The following CNTNAP2 variants were observed in gnomAD, a reference collection of about 807,000 sequenced individuals.
The protein encoded by CNTNAP2 is contactin-associated protein-like 2.
A neutral mutation model predicts 155.2 loss-of-function variants in CNTNAP2; 98 were observed. That is an observed-to-expected ratio of 0.63 (90% CI 0.54 to 0.75). CNTNAP2 has a LOEUF of 0.75. Ranked by LOEUF, CNTNAP2 falls within the 30% of genes least tolerant of loss-of-function variation. The pLI, the probability that CNTNAP2 is intolerant of heterozygous loss-of-function variation, is 0.00. For missense variants in CNTNAP2, 1,727 were observed against 1,688.1 expected (o/e 1.02, Z -0.40); for synonymous variants, 651 against 631.2 (o/e 1.03, Z -0.47).
At chr7:148,309,589 G>T (rs149260636) in intron 21 of CNTNAP2, among the ~76,000 whole-genome samples, 9 of 152,142 alleles carry the variant, frequency 5.9e-5, no homozygotes, top group African/African-American at 9.6e-5. Context: ...TCAAAGGGGG[G>T]TTATTCGCTG....
rs191768158 is a variant in CNTNAP2 at position 146,850,555 on chromosome 7, T to G, written c.402+10651T>G. ...ACAACTAATATGTGAGGATATAGAT[T>G]ATTATTTTTATGATTAAGCCCTATT... On this transcript the variant is annotated intron_variant, in intron 3 of 23. Coordinates refer to ENST00000361727, the MANE Select transcript of CNTNAP2 (RefSeq NM_014141.6). Among the ~76,000 whole-genome samples, 295 of 152,262 alleles carry G rather than the reference T, an allele frequency of 1.9e-3. 2 individuals are homozygous for G. Among genetic ancestry groups the G allele is most frequent in the African/African-American group, 6.8e-3 (281 of 41,558 alleles).
chr7:147,348,088 G>A (rs144065426), intron 9 of CNTNAP2, among the ~76,000 whole-genome samples: 166 of 152,088 alleles, frequency 1.1e-3, no homozygotes, highest in African/African-American at 3.6e-3. Flanking sequence ...AAGACATAGC[G>A]GAAATGCTTC....
intron 3 of CNTNAP2, among the ~76,000 whole-genome samples, chr7:147,042,096 A>G (rs1563054867): frequency 6.6e-6 from 1 of 152,202 alleles, no homozygotes; most frequent in Non-Finnish European, 1.5e-5. Flanking sequence ...TGTCAACAAG[A>G]TGCAATGAGG....
rs557529027 is a variant in CNTNAP2, at chr7:147,939,652, C to T, written c.2255+35931C>T. 5.3e-4 allele frequency among the ~76,000 whole-genome samples: 81 copies of T among 152,196 alleles called. 3 individuals carry two copies. Among genetic ancestry groups the T allele is most frequent in the African/African-American group, 1.9e-3 (77 of 41,538 alleles). On this transcript the variant is annotated intron_variant, in intron 14 of 23. Coordinates refer to ENST00000361727, the MANE Select transcript of CNTNAP2 (RefSeq NM_014141.6). Reference sequence around the variant, plus strand: ...TCATGTAGAATTTTATGGTCACAAGCCTGTAGTTCTAGCAGGGAAACTCAA... The same window carrying T: ...TCATGTAGAATTTTATGGTCACAAGTCTGTAGTTCTAGCAGGGAAACTCAA...
chr7:147,048,376 T>C (rs768529936), intron 4 of CNTNAP2, among the ~76,000 whole-genome samples: 4 of 152,164 alleles, frequency 2.6e-5, no homozygotes, highest in Non-Finnish European at 5.9e-5. Flanking sequence ...GATTTTTCTC[T>C]GGAGGGAATG....
intron 15 of CNTNAP2, among the ~76,000 whole-genome samples, 179 bp from the exon 16 acceptor site, chr7:148,117,939 T>C (rs1017415087): frequency 6.6e-5 from 10 of 151,860 alleles, no homozygotes; most frequent in African/African-American, 2.4e-4. Flanking sequence ...GACACACATA[T>C]AACTTTTGGA....
At chr7:146,463,778 C>CT (rs1451806292) in intron 1 of CNTNAP2, among the ~76,000 whole-genome samples, 1 of 151,642 alleles carries the variant, frequency 6.6e-6, no homozygotes, top group African/African-American at 2.4e-5. Context: ...TTCATCAATA[C>CT]TAGATTCTAA....
chr7:147,545,109 G>A (rs1364278328), intron 11 of CNTNAP2, among the ~76,000 whole-genome samples: 1 of 152,066 alleles, frequency 6.6e-6, no homozygotes, highest in Non-Finnish European at 1.5e-5. Context: ...GTGTAAAGAG[G>A]AATATAAGTC....
At chr7:146,761,152 T>A (rs1802090355) in intron 1 of CNTNAP2, among the ~76,000 whole-genome samples, 1 of 152,174 alleles carries the variant, frequency 6.6e-6, no homozygotes, top group South Asian at 2.1e-4. Context: ...CACTGTCCCA[T>A]ATGCCAAGAA....
chr7:148,103,167 T>C (rs1287049780), intron 15 of CNTNAP2, among the ~76,000 whole-genome samples: 2 of 151,548 alleles, frequency 1.3e-5, no homozygotes, highest in African/African-American at 4.8e-5. Flanking sequence ...GTGTCTGTCC[T>C]TTGTCCACAA....
chr7:147,480,861 T>C (rs1009915851), intron 10 of CNTNAP2, among the ~76,000 whole-genome samples: 1 of 152,196 alleles, frequency 6.6e-6, no homozygotes, highest in African/African-American at 2.4e-5. Context: ...GGGACCTTGT[T>C]AGGATCTCAG....
At chr7:146,906,363 A>T (rs537482742) in intron 3 of CNTNAP2, among the ~76,000 whole-genome samples, 43 of 152,266 alleles carry the variant, frequency 2.8e-4, no homozygotes, top group South Asian at 8.3e-4. Flanking sequence ...ACAGACAAAC[A>T]AAAAGACAGC....
At chr7:148,008,072 A>G (rs1178283976) in intron 15 of CNTNAP2, among the ~76,000 whole-genome samples, 1 of 152,116 alleles carries the variant, frequency 6.6e-6, no homozygotes, top group East Asian at 1.9e-4. Context: ...CCTTAAAAAT[A>G]GTAGGAGGAG....
chr7:146,964,982 C>A (rs1797628740), intron 3 of CNTNAP2, among the ~76,000 whole-genome samples: 1 of 150,546 alleles, frequency 6.6e-6, no homozygotes, highest in Non-Finnish European at 1.5e-5. Context: ...CAAAACAAAA[C>A]AAAAAACAGT....
intron 16 of CNTNAP2, among the ~76,000 whole-genome samples, chr7:148,122,046 T>G (rs1394377443): frequency 6.6e-6 from 1 of 152,194 alleles, no homozygotes; most frequent in Non-Finnish European, 1.5e-5. Context: ...TAGCTCAGCT[T>G]CATTCAGACT....
Position 147,802,234 on chromosome 7 carries a change from C to T in CNTNAP2, c.2099-101331C>T, listed in dbSNP as rs187387428. Among the ~76,000 whole-genome samples, 733 of 146,572 alleles carry T rather than the reference C, an allele frequency of 5.0e-3. 1 individual carries two copies. The highest frequency in any genetic ancestry group is 0.018 in the African/African-American group (682 of 37,644). On this transcript the variant is annotated intron_variant, in intron 13 of 23. Transcript: ENST00000361727. ...CAGACGATGGGCGGCCGGGAAGAGA[C>T]GCTCCTCACTTCCCAGATGGGATGG...
intron 1 of CNTNAP2, among the ~76,000 whole-genome samples, chr7:146,554,114 G>A (rs180984287): frequency 1.8e-3 from 267 of 152,188 alleles, no homozygotes; most frequent in Non-Finnish European, 1.2e-3. Context: ...TGTAACTAAC[G>A]TTGAATCTAA....
At chr7:148,223,537 C>T (rs1381114878) in intron 19 of CNTNAP2, among the ~76,000 whole-genome samples, 1 of 152,166 alleles carries the variant, frequency 6.6e-6, no homozygotes, top group Non-Finnish European at 1.5e-5. Context: ...AGAAGTGAAG[C>T]ACCTCAGCAT....
chr7:146,966,590 G>A (rs1797662514), intron 3 of CNTNAP2, among the ~76,000 whole-genome samples: 1 of 152,162 alleles, frequency 6.6e-6, no homozygotes, highest in East Asian at 1.9e-4. Flanking sequence ...TTCATCCCCA[G>A]CCATTTCTCC....
Sources: gnomAD v4.1 joint callset for allele counts (sites outside exome capture counted in the v4.1 genomes callset) on GRCh38, gnomAD v4.1.1 for gene constraint, MANE v1.5 for transcripts, NCBI Gene and HGNC (gene_info 2026-07-23, HGNC 2026-07-21) for gene names.